UCHL3: variants seen among roughly 807,000 people sequenced by gnomAD.
The protein encoded by UCHL3 is ubiquitin carboxyl-terminal hydrolase isozyme L3.
In UCHL3, 22 loss-of-function variants were observed where a neutral mutation model predicts 35.8. The ratio of observed to expected loss-of-function variants is 0.61; its 90% CI spans 0.44 to 0.88. The LOEUF (loss-of-function observed/expected upper bound fraction) is 0.88, where lower values mean the gene tolerates loss of function less well. UCHL3 is among the 40% of genes least tolerant of loss of function. The pLI, the probability that UCHL3 is intolerant of heterozygous loss-of-function variation, is 0.00. For missense variants in UCHL3, 229 were observed against 276.9 expected, an observed-to-expected ratio of 0.83 and a Z score of 1.23; for synonymous variants, 90 against 92.8, an observed-to-expected ratio of 0.97 and a Z score of 0.17.
chr13:75,567,100 C>A, intron 4 of UCHL3, 127 bp from the exon 5 acceptor site: 1 of 941,292 alleles, frequency 1.1e-6, no homozygotes, highest in Non-Finnish European at 1.6e-6. Context: ...TAACATGATC[C>A]TTACATTTCT....
At position 75,595,105 on chromosome 13, in the gene UCHL3, A is replaced by T. The variant is rs1047367887; in HGVS notation, c.550+115A>T. Reference sequence around the variant, plus strand: ...GTTTACTTAAATTAACTGGTTGCCTATAAAATTGATTTGACATAGCGACAG... The same window carrying T: ...GTTTACTTAAATTAACTGGTTGCCTTTAAAATTGATTTGACATAGCGACAG... On this transcript the variant is annotated intron_variant, in intron 7 of 8. Transcript: ENST00000377595. 4.0e-6 allele frequency: 3 copies of T among 759,000 alleles called. No homozygotes were observed. In the African/African-American group the frequency reaches 5.5e-5, roughly 14 times the overall value. 47.0% of individuals were successfully genotyped at this position (759,000 alleles called of 1,614,324 possible).
chr13:75,571,774 A>G (rs1163604069), intron 6 of UCHL3, among the ~76,000 whole-genome samples: 1 of 152,094 alleles, frequency 6.6e-6, no homozygotes, highest in Non-Finnish European at 1.5e-5. Context: ...ACTGCTGTGT[A>G]CTCCCATAAG....
chr13:75,562,753 TA>T, intron 3 of UCHL3, among the ~76,000 whole-genome samples: 1 of 152,310 alleles, frequency 6.6e-6, no homozygotes, highest in South Asian at 2.1e-4. Flanking sequence ...TTATCAGAGC[TA>T]AAAACTTGTC....
chr13:75,553,122 A>C (rs1482517357), intron 2 of UCHL3, among the ~76,000 whole-genome samples: 1 of 152,218 alleles, frequency 6.6e-6, no homozygotes. Context: ...AATCACAATA[A>C]ATAAATCATA....
rs7996485 is a variant in UCHL3 at position 75,549,811 on chromosome 13, C to T, written c.-10C>T. On this transcript the variant is annotated 5_prime_UTR_variant, in exon 1 of 9. Transcript: ENST00000377595. ...CGGCTGTCAGAGCTGGAGGGCCGGGCACCGCGGCCATGGAGGGTCAACGCT... is the reference window on the plus strand; with the variant it reads ...CGGCTGTCAGAGCTGGAGGGCCGGGTACCGCGGCCATGGAGGGTCAACGCT... 12,371 of 1,549,788 alleles carry T rather than the reference C, an allele frequency of 8.0e-3. 811 individuals are homozygous for T. The African/African-American group carries it at 0.15, about 18-fold the overall frequency.
At chr13:75,591,044 T>C (rs2138560651) in intron 6 of UCHL3, among the ~76,000 whole-genome samples, 1 of 152,310 alleles carries the variant, frequency 6.6e-6, no homozygotes, top group East Asian at 1.9e-4. Context: ...GCCATACATT[T>C]ATAAGAAATT....
At chr13:75,585,837 T>C (rs1483364053) in intron 6 of UCHL3, among the ~76,000 whole-genome samples, 2 of 152,044 alleles carry the variant, frequency 1.3e-5, no homozygotes, top group East Asian at 1.9e-4. Flanking sequence ...ACTAAAGATA[T>C]ATCTTGTAAA....
chr13:75,585,859 T>C (rs2032309315), intron 6 of UCHL3, among the ~76,000 whole-genome samples: 1 of 151,874 alleles, frequency 6.6e-6, no homozygotes, highest in African/African-American at 2.4e-5. Context: ...CCTCAGGCAA[T>C]TACTGAAAAG....
At chr13:75,562,974 A>G (rs1178329982) in intron 3 of UCHL3, among the ~76,000 whole-genome samples, 1 of 152,186 alleles carries the variant, frequency 6.6e-6, no homozygotes, top group South Asian at 2.1e-4. Flanking sequence ...TATAGGTGAT[A>G]TATTGCAAAG....
rs539709904 is a variant in UCHL3 at position 75,595,996 on chromosome 13, G to A, written c.550+1006G>A. Among the ~76,000 whole-genome samples the A allele has an allele frequency of 7.2e-5, 11 of 152,164 alleles. No individual in the cohort carries two copies. In the Middle Eastern group the frequency reaches 0.01, roughly 141 times the overall value. On this transcript the variant is annotated intron_variant, in intron 7 of 8. Coordinates refer to ENST00000377595, the MANE Select transcript of UCHL3 (RefSeq NM_006002.5). Reference sequence around the variant, plus strand: ...CAACAAAAAAGAGAAGTTCTTTTCAGTAATTCTAGATACCGTGAGTTTTGG... The same window carrying A: ...CAACAAAAAAGAGAAGTTCTTTTCAATAATTCTAGATACCGTGAGTTTTGG...
Position 75,552,377 on chromosome 13 carries a change from G to T in UCHL3, c.54+2390G>T, listed in dbSNP as rs899522102. The stretch of plus-strand genomic sequence containing the variant: ...TTTCCTCAACCTAATGGAATGGTAG[G>T]ATCTTGAACTCACTCTGTTACCATC... On this transcript the variant is annotated intron_variant, in intron 2 of 8. Coordinates refer to ENST00000377595, the MANE Select transcript of UCHL3 (RefSeq NM_006002.5). Among the ~76,000 whole-genome samples the T allele has an allele frequency of 2.0e-5, 3 of 152,142 alleles. No individual in the cohort carries two copies. The East Asian group carries it at 5.8e-4, about 29-fold the overall frequency.
intron 6 of UCHL3, among the ~76,000 whole-genome samples, chr13:75,590,931 C>T (rs1186648919): frequency 6.6e-6 from 1 of 152,162 alleles, no homozygotes; most frequent in Non-Finnish European, 1.5e-5. Flanking sequence ...CAGAATTAAG[C>T]AACTACAGCT....
At chr13:75,577,941 A>C (rs373620676) in intron 6 of UCHL3, among the ~76,000 whole-genome samples, 1 of 152,118 alleles carries the variant, frequency 6.6e-6, no homozygotes, top group East Asian at 1.9e-4. Context: ...TTAACTTTTT[A>C]AGTTTGTTGT....
At chr13:75,572,484 C>T (rs1236823131) in intron 6 of UCHL3, among the ~76,000 whole-genome samples, 1 of 152,138 alleles carries the variant, frequency 6.6e-6, no homozygotes, top group African/African-American at 2.4e-5. Flanking sequence ...CCAATGGCGC[C>T]TTAGTGTGAT....
chr13:75,599,129 T>C (rs2032715953), intron 7 of UCHL3, among the ~76,000 whole-genome samples: 1 of 122,656 alleles, frequency 8.2e-6, no homozygotes, highest in Non-Finnish European at 1.6e-5. Flanking sequence ...CCACCATGCC[T>C]GGCTATTTTT....
intron 6 of UCHL3, among the ~76,000 whole-genome samples, chr13:75,589,676 GTC>G (rs775368715): frequency 9.3e-4 from 141 of 152,098 alleles, no homozygotes; most frequent in Non-Finnish European, 1.5e-3. Context: ...ATTTCCATGA[GTC>G]TGTGCTATGC....
At chr13:75,583,913 A>G (rs988768499) in intron 6 of UCHL3, among the ~76,000 whole-genome samples, 1 of 152,226 alleles carries the variant, frequency 6.6e-6, no homozygotes, top group Non-Finnish European at 1.5e-5. Flanking sequence ...GGGAGAGCTC[A>G]TATCCACTCT....
rs1485680787 is a variant in UCHL3, at chr13:75,564,980, G to A, written c.184-1715G>A. On this transcript the variant is annotated intron_variant, in intron 3 of 8. Transcript: ENST00000377595. ...CAAAGTGCTGGGATTACAGGTGTGA[G>A]CTACTGCGCCCGGCCAGTGATAGTG... 5.3e-5 allele frequency among the ~76,000 whole-genome samples: 8 copies of A among 152,204 alleles called. No homozygotes were observed. The East Asian group carries it at 1.5e-3, about 29-fold the overall frequency.
intron 6 of UCHL3, among the ~76,000 whole-genome samples, chr13:75,589,713 A>G (rs991239769): frequency 1.3e-5 from 2 of 152,206 alleles, no homozygotes; most frequent in Non-Finnish European, 2.9e-5. Context: ...GAATATTATC[A>G]ATGTACACAT....
Sources: gnomAD v4.1 joint callset for allele counts (sites outside exome capture counted in the v4.1 genomes callset) on GRCh38, gnomAD v4.1.1 for gene constraint, MANE v1.5 for transcripts, NCBI Gene and HGNC (gene_info 2026-07-23, HGNC 2026-07-21) for gene names.